PCDH11X: variants seen among roughly 807,000 people sequenced by gnomAD.
The protein encoded by PCDH11X is protocadherin 11 X-linked.
PCDH11X carries 18 observed loss-of-function variants against 53.3 expected under a neutral mutation model. The ratio of observed to expected loss-of-function variants is 0.34; its 90% confidence interval spans 0.23 to 0.50. The LOEUF (loss-of-function observed/expected upper bound fraction) is 0.50. Ranked by LOEUF, PCDH11X falls within the 20% of genes least tolerant of loss-of-function variation. The pLI is 0.98. For synonymous variants in PCDH11X, 279 were observed against 393.3 expected, an observed-to-expected ratio of 0.71 and a Z score of 3.44; for missense variants, 570 against 1,032.4, an observed-to-expected ratio of 0.55 and a Z score of 6.14.
In PCDH11X at chrX:92,253,906, T is replaced by C. The variant is rs1038602513; in HGVS notation, c.3115-9208T>C. 6.2e-5 allele frequency among the ~76,000 whole-genome samples: 7 copies of C among 112,066 alleles called. No homozygotes were observed. The Admixed American group carries it at 6.6e-4, about 11-fold the overall frequency. On this transcript the variant is annotated intron_variant, in intron 7 of 10. Coordinates refer to ENST00000682573, the MANE Select transcript of PCDH11X (RefSeq NM_032968.5). ...ACAAGGTTAATTAGACTATTTCCAC[T>C]CCAATTTGGTTCCCCTTTATTTCTT... is the stretch of plus-strand genomic sequence containing the variant.
chrX:91,844,595 T>C (rs1411108864), intron 5 of PCDH11X, among the ~76,000 whole-genome samples: 1 of 109,858 alleles, frequency 9.1e-6, no homozygotes, highest in African/African-American at 3.3e-5. Flanking sequence ...CGACTGTTTT[T>C]TTTTTCCAGT....
intron 6 of PCDH11X, among the ~76,000 whole-genome samples, chrX:92,196,726 A>G (rs2066298067): frequency 9.0e-6 from 1 of 111,422 alleles, no homozygotes; most frequent in Non-Finnish European, 1.9e-5. Context: ...GAATGGGAAT[A>G]GAAGATTGTG....
At chrX:92,592,922 C>T (rs1471575923) in intron 10 of PCDH11X, among the ~76,000 whole-genome samples, 2 of 111,638 alleles carry the variant, frequency 1.8e-5, no homozygotes, top group Non-Finnish European at 3.8e-5. Context: ...TGTCTTGATT[C>T]TCTGTTTCTG....
At chrX:92,482,728 A>G (rs369016584) in intron 10 of PCDH11X, among the ~76,000 whole-genome samples, 2 of 108,572 alleles carry the variant, frequency 1.8e-5, no homozygotes, top group South Asian at 4.1e-4. Flanking sequence ...ATGTATGTAT[A>G]TAAATCTATG....
intron 7 of PCDH11X, among the ~76,000 whole-genome samples, chrX:92,208,534 T>TATATATATATATATATATAC (rs1470912439): frequency 1.2e-5 from 1 of 81,504 alleles, no homozygotes; most frequent in East Asian, 3.7e-4. Context: ...TATATATATA[T>TATATATATATATATATATAC]ATACAATTTT....
At chrX:92,551,979 G>T (rs1158675009) in intron 10 of PCDH11X, among the ~76,000 whole-genome samples, 29 of 58,579 alleles carry the variant, frequency 5.0e-4, no homozygotes, top group Non-Finnish European at 9.5e-4. Flanking sequence ...CAGGTAAGGT[G>T]ATTCCTCTGG....
chrX:91,791,105 A>C (rs746964922), intron 1 of PCDH11X, among the ~76,000 whole-genome samples: 17 of 106,843 alleles, frequency 1.6e-4, no homozygotes, highest in Non-Finnish European at 2.3e-4. Flanking sequence ...TGTTCTTGTA[A>C]GTGCTAAATG....
rs2070824854 is a variant in PCDH11X at position 92,379,506 on chromosome X, A to T, written c.3145-8229A>T. On this transcript the variant is annotated intron_variant, in intron 8 of 10. Transcript: ENST00000682573. The stretch of plus-strand genomic sequence containing the variant: ...GGCATGAACAGCCTGGGTGCCATAG[A>T]TGACATGATTGATAGTGGGTGCCAT... Among the ~76,000 whole-genome samples the T allele has an allele frequency of 3.5e-5, 4 of 112,714 alleles. No homozygotes were observed. In the South Asian group the frequency reaches 1.4e-3, roughly 41 times the overall value.
At chrX:91,953,341 T>TGTG (rs2061665983) in intron 6 of PCDH11X, among the ~76,000 whole-genome samples, 1 of 110,463 alleles carries the variant, frequency 9.1e-6, no homozygotes, top group African/African-American at 3.3e-5. Flanking sequence ...AAACATTTTT[T>TGTG]TAAATGTAAA....
chrX:91,852,371 G>A (rs1348059848), intron 5 of PCDH11X, among the ~76,000 whole-genome samples: 1 of 107,577 alleles, frequency 9.3e-6, no homozygotes, highest in African/African-American at 3.4e-5. Context: ...CACAAGATAC[G>A]AAAGTCTAAA....
intron 10 of PCDH11X, among the ~76,000 whole-genome samples, chrX:92,586,977 CTTT>C (rs34675403): frequency 4.1e-5 from 3 of 72,890 alleles, no homozygotes; most frequent in Non-Finnish European, 2.6e-5. Context: ...ACACAGAAGC[CTTT>C]TTTTTTTTTT....
chrX:92,327,756 C>T (rs763763442), intron 8 of PCDH11X, among the ~76,000 whole-genome samples: 14 of 103,414 alleles, frequency 1.4e-4, no homozygotes, highest in Admixed American at 3.2e-4. Context: ...AGATTTTCCC[C>T]AACAGAAAGA....
chrX:92,127,495 C>A (rs1256156479), intron 6 of PCDH11X, among the ~76,000 whole-genome samples: 5 of 108,310 alleles, frequency 4.6e-5, no homozygotes, highest in Non-Finnish European at 7.6e-5. Context: ...TCAGAAGCAG[C>A]CACATAGTTA....
At chrX:92,134,609 G>A (rs1416151909) in intron 6 of PCDH11X, among the ~76,000 whole-genome samples, 1 of 111,170 alleles carries the variant, frequency 9.0e-6, no homozygotes, top group Non-Finnish European at 1.9e-5. Flanking sequence ...ATAGAGTAAA[G>A]TGAAAGCACG....
intron 8 of PCDH11X, among the ~76,000 whole-genome samples, chrX:92,325,683 G>A (rs1380327181): frequency 8.9e-6 from 1 of 111,892 alleles, no homozygotes; most frequent in Non-Finnish European, 1.9e-5. Context: ...GCATGACCCT[G>A]ACTTATACTT....
intron 7 of PCDH11X, among the ~76,000 whole-genome samples, chrX:92,213,519 A>G (rs1290700455): frequency 9.0e-6 from 1 of 111,637 alleles, no homozygotes; most frequent in Non-Finnish European, 1.9e-5. Flanking sequence ...TGTTTGTCCA[A>G]TCGTACACTG....
At chrX:91,990,518 G>C (rs943073357) in intron 6 of PCDH11X, among the ~76,000 whole-genome samples, 44 of 111,484 alleles carry the variant, frequency 3.9e-4, no homozygotes, top group African/African-American at 1.4e-3. Flanking sequence ...ATGGTATGAT[G>C]AGTGATTTTC....
At chrX:92,390,093 G>T (rs1173608698) in intron 9 of PCDH11X, among the ~76,000 whole-genome samples, 2 of 110,646 alleles carry the variant, frequency 1.8e-5, no homozygotes, top group Non-Finnish European at 3.8e-5. Context: ...GCAAAGGGTA[G>T]ATATAATTAA....
chrX:92,296,015 G>A (rs1456014283), intron 8 of PCDH11X, among the ~76,000 whole-genome samples: 1 of 108,822 alleles, frequency 9.2e-6, no homozygotes, highest in Non-Finnish European at 1.9e-5. Flanking sequence ...CCCGGGAGGC[G>A]AGGTTGCAGT....
Sources: allele counts gnomAD v4.1 joint callset (sites outside exome capture counted in the v4.1 genomes callset), GRCh38; gene constraint gnomAD v4.1.1; transcripts MANE v1.5; gene names NCBI Gene and HGNC (gene_info 2026-07-23, HGNC 2026-07-21).